The following UBXN2A variants were observed in gnomAD, a reference collection of about 807,000 sequenced individuals.
UBXN2A encodes the protein UBX domain-containing protein 2A.
A neutral mutation model predicts 28.4 loss-of-function variants in UBXN2A; 28 were observed. The ratio of observed to expected loss-of-function variants is 0.99; its 90% CI spans 0.73 to 1.35. The LOEUF (loss-of-function observed/expected upper bound fraction) is 1.35, where lower values mean the gene tolerates loss of function less well. UBXN2A is among the 40% of genes most tolerant of loss of function. The pLI is 0.00. For synonymous variants in UBXN2A, 97 were observed against 103.6 expected, an observed-to-expected ratio of 0.94 and a Z score of 0.39; for missense variants, 253 against 297.9, an observed-to-expected ratio of 0.85 and a Z score of 1.11.
At chr2:23,928,177 G>GAAA (rs200494081) in intron 1 of UBXN2A, among the ~76,000 whole-genome samples, 1 of 92,950 alleles carries the variant, frequency 1.1e-5, no homozygotes, top group Non-Finnish European at 2.2e-5. Context: ...CCCTGTCTCA[G>GAAA]AAAAAAAAAA....
At chr2:23,960,591 C>T (rs1706857621) in intron 2 of UBXN2A, among the ~76,000 whole-genome samples, 1 of 152,110 alleles carries the variant, frequency 6.6e-6, no homozygotes, top group South Asian at 2.1e-4. Context: ...TATCCATTAG[C>T]AATCCCACCC....
upstream of UBXN2A, among the ~76,000 whole-genome samples, chr2:23,936,130 C>T (rs998081219): frequency 6.6e-6 from 1 of 152,062 alleles, no homozygotes; most frequent in African/African-American, 2.4e-5. Context: ...AGTAAGGAGT[C>T]AATCAAATAC....
intron 6 of UBXN2A, among the ~76,000 whole-genome samples, chr2:23,993,097 T>G (rs555909825): frequency 6.6e-6 from 1 of 152,316 alleles, no homozygotes; most frequent in South Asian, 2.1e-4. Context: ...ATCACACAAC[T>G]GATTATCATA....
At position 24,003,376 on chromosome 2, in the gene UBXN2A, A is replaced by C. The variant is rs1573621993; in HGVS notation, c.*3509A>C. On this transcript the variant is annotated 3_prime_UTR_variant, in exon 7 of 7. Coordinates refer to ENST00000309033, the MANE Select transcript of UBXN2A (RefSeq NM_181713.4). ...CAATCATGACATAAACTTGTGCTTT[A>C]CCTCCTATAGCACAGCCGAGACAAG... is the stretch of plus-strand genomic sequence containing the variant. The C allele has an allele frequency of 6.6e-6, 1 of 152,210 alleles. No individual in the cohort carries two copies. Among genetic ancestry groups the C allele is most frequent in the Non-Finnish European group, 1.5e-5 (1 of 68,026 alleles). The allele number at this position is 152,210 out of a possible 1,614,324, so 9.4% of individuals were successfully genotyped here.
chr2:23,956,177 T>TA (rs35223637), intron 1 of UBXN2A, among the ~76,000 whole-genome samples: 66,259 of 147,300 alleles, frequency 0.45, 15,363 homozygotes, highest in East Asian at 0.77. Flanking sequence ...TCTTTTTTAT[T>TA]AAAAAAAAAA....
chr2:23,983,545 T>C (rs1376204811), intron 5 of UBXN2A, among the ~76,000 whole-genome samples: 2 of 152,178 alleles, frequency 1.3e-5, no homozygotes, highest in Non-Finnish European at 2.9e-5. Flanking sequence ...TAAAAAATCA[T>C]GCAGGCTTTT....
At chr2:23,984,515 TA>T (rs1213936533) in intron 5 of UBXN2A, among the ~76,000 whole-genome samples, 157 bp from the exon 6 acceptor site, 1 of 152,144 alleles carries the variant, frequency 6.6e-6, no homozygotes, top group African/African-American at 2.4e-5. Flanking sequence ...ATTGTGGACA[TA>T]AATAATATAT....
Position 23,956,091 on chromosome 2 carries a change from T to G in UBXN2A, c.-14-2210T>G, listed in dbSNP as rs1347182925. ...GTTGGACAGGCTGGTCTCGAACTCC[T>G]GGCCTGAAGTGATCCAACTGCCTCG... On this transcript the variant is annotated intron_variant, in intron 1 of 6. Coordinates refer to ENST00000309033, the MANE Select transcript of UBXN2A (RefSeq NM_181713.4). Among the ~76,000 whole-genome samples the G allele has an allele frequency of 2.0e-5, 3 of 152,090 alleles. No homozygotes were observed. The East Asian group carries it at 5.8e-4, about 29-fold the overall frequency.
chr2:23,963,921 G>C (rs192309424), intron 2 of UBXN2A, among the ~76,000 whole-genome samples: 1 of 152,080 alleles, frequency 6.6e-6, no homozygotes, highest in Non-Finnish European at 1.5e-5. Flanking sequence ...TTGAGGGAAG[G>C]AGTTTGAAAC....
upstream of UBXN2A, among the ~76,000 whole-genome samples, chr2:23,940,198 A>G (rs1705675975): frequency 6.6e-6 from 1 of 151,694 alleles, no homozygotes; most frequent in African/African-American, 2.4e-5. Flanking sequence ...GTCAGAATGC[A>G]GGGATGTCTC....
chr2:23,969,445 C>T (rs1707319635), intron 2 of UBXN2A, among the ~76,000 whole-genome samples: 1 of 151,908 alleles, frequency 6.6e-6, no homozygotes. Flanking sequence ...TCACTGTGAC[C>T]TCCACCTCCC....
At chr2:23,944,896 T>C (rs1267946628) in intron 1 of UBXN2A, among the ~76,000 whole-genome samples, 1 of 152,160 alleles carries the variant, frequency 6.6e-6, no homozygotes, top group African/African-American at 2.4e-5. Context: ...GAGGACTAGT[T>C]AGTTCTTGGA....
intron 1 of UBXN2A, among the ~76,000 whole-genome samples, chr2:23,944,879 AGC>A (rs1705978151): frequency 6.6e-6 from 1 of 152,262 alleles, no homozygotes; most frequent in African/African-American, 2.4e-5. Context: ...AGCTAGAGAG[AGC>A]TAAAGAGGAC....
At chr2:23,965,288 T>C (rs529454136) in intron 2 of UBXN2A, among the ~76,000 whole-genome samples, 72 of 152,214 alleles carry the variant, frequency 4.7e-4, no homozygotes, top group Non-Finnish European at 9.6e-4. Context: ...ATCCTTGTCT[T>C]GTTCCTGATC....
intron 1 of UBXN2A, among the ~76,000 whole-genome samples, chr2:23,957,936 TAG>T (rs1410471985): frequency 1.3e-5 from 2 of 152,176 alleles, no homozygotes; most frequent in Non-Finnish European, 2.9e-5. Flanking sequence ...CCATTTTTTG[TAG>T]AGTCAGTCTC....
chr2:23,992,207 T>C (rs1429594577), intron 6 of UBXN2A, among the ~76,000 whole-genome samples: 1 of 151,594 alleles, frequency 6.6e-6, no homozygotes, highest in Non-Finnish European at 1.5e-5. Flanking sequence ...CCTGACCTCA[T>C]GATCCTCCTG....
In UBXN2A at chr2:23,973,505, A is replaced by AT. The variant is rs1707513438; in HGVS notation, c.180+2097dup. 2.0e-5 allele frequency among the ~76,000 whole-genome samples: 3 copies of AT among 149,920 alleles called. No individual in the cohort carries two copies. The South Asian group carries it at 6.3e-4, about 32-fold the overall frequency. ...AAGCGCCCGCCACCACACCTGGCTA[A>AT]TTTTTTGTATTTTTAGTAGAGACAG... On this transcript the variant is annotated intron_variant, in intron 3 of 6. Transcript: ENST00000309033.
upstream of UBXN2A, among the ~76,000 whole-genome samples, chr2:23,939,833 G>A (rs115721531): frequency 0.013 from 1,978 of 152,310 alleles, 55 homozygotes; most frequent in African/African-American, 0.045. Flanking sequence ...AAAGGGGCCG[G>A]GCGCGGTGGC....
intron 2 of UBXN2A, among the ~76,000 whole-genome samples, chr2:23,959,184 G>A (rs1193325916): frequency 6.6e-6 from 1 of 152,048 alleles, no homozygotes; most frequent in East Asian, 1.9e-4. Context: ...AATATTTGAT[G>A]CTAATTATAT....
Sources: gnomAD v4.1 joint callset for allele counts (sites outside exome capture counted in the v4.1 genomes callset) on GRCh38, gnomAD v4.1.1 for gene constraint, MANE v1.5 for transcripts, NCBI Gene and HGNC (gene_info 2026-07-23, HGNC 2026-07-21) for gene names.